SPRED3: variants seen among roughly 807,000 people sequenced by gnomAD.
SPRED3 encodes sprouty related EVH1 domain containing 3.
SPRED3 carries 23 observed loss-of-function variants against 37.6 expected under a neutral mutation model. The ratio of observed to expected loss-of-function variants is 0.61; its 90% confidence interval spans 0.44 to 0.87. The LOEUF (loss-of-function observed/expected upper bound fraction) is 0.87. Ranked by LOEUF, SPRED3 falls within the 40% of genes least tolerant of loss-of-function variation. The probability of loss-of-function intolerance (pLI) is 0.00; values close to 1 mark genes in which losing one functional copy is unlikely to be tolerated. For missense variants in SPRED3, 584 were observed against 618.6 expected (o/e 0.94, Z 0.59); for synonymous variants, 302 against 279.6 (o/e 1.08, Z -0.80).
At chr19:38,390,553 G>A in intron 2 of SPRED3, 74 bp downstream of exon 2, 1 of 1,207,042 alleles carries the variant, frequency 8.3e-7, no homozygotes, top group Non-Finnish European at 1.1e-6. Flanking sequence ...ATGTGGAGCA[G>A]AGGTCAGGTT....
chr19:38,393,270 GC>G (rs1392153744), intron 4 of SPRED3, among the ~76,000 whole-genome samples: 1 of 151,300 alleles, frequency 6.6e-6, no homozygotes, highest in African/African-American at 2.4e-5. Flanking sequence ...ATCTGCCAAT[GC>G]CCCTTGTCTA....
In SPRED3 at chr19:38,395,738, C is replaced by G; in HGVS notation, c.826C>G (p.Pro276Ala). Residue 276 changes from proline to alanine, a missense_variant, in exon 6 of 6, where the codon CCC (proline) becomes GCC (alanine). Pro to Ala is a conservative substitution (Grantham distance 27, BLOSUM62 -1). Coordinates refer to ENST00000691638, the MANE Select transcript of SPRED3 (RefSeq NM_001394336.1). The surrounding 1 kb of genome is among the most constrained non-coding windows in gnomAD (Gnocchi z 5.2). ...CCCAGCGCCCCCCGCTCGCCCACCC[C>G]CCGGCCCGGGCCCATCCTCTGCGCC... Reference protein sequence around the residue: ...APPAPPARPPPGPGPSSAPAK... With the variant: ...APPAPPARPPAGPGPSSAPAK... The G allele has an allele frequency of 6.9e-7, 1 of 1,459,850 alleles. No homozygotes were observed. Among genetic ancestry groups the G allele is most frequent in the Non-Finnish European group, 9.0e-7 (1 of 1,116,548 alleles). The allele number at this position is 1,459,850 out of a possible 1,614,324, so 90.4% of individuals were successfully genotyped here. A position where few individuals can be genotyped will look rare whatever the true frequency, so the allele number is the denominator to read the frequency against.
chr19:38,393,085 C>T (rs1014239895), intron 4 of SPRED3, among the ~76,000 whole-genome samples: 6 of 152,214 alleles, frequency 3.9e-5, no homozygotes, highest in South Asian at 2.1e-4. Flanking sequence ...CTTATTCTAA[C>T]GTGGCAGGCA....
In SPRED3 at chr19:38,396,158, G is replaced by T; in HGVS notation, c.*13G>T. The stretch of plus-strand genomic sequence containing the variant: ...GGCTGCGCGGTGAGGACGGCCTGGT[G>T]GGTCCCCTAGCCGGCCCGAGGACCC... On this transcript the variant is annotated 3_prime_UTR_variant, in exon 6 of 6. Transcript: ENST00000691638. 1 of 1,260,738 alleles carries T rather than the reference G, an allele frequency of 7.9e-7. No homozygotes were observed. The highest frequency in any genetic ancestry group is 2.9e-5 in the South Asian group (1 of 34,326). 78.1% of individuals were successfully genotyped at this position (1,260,738 alleles called of 1,614,324 possible).
chr19:38,393,652 G>A (rs992252291), intron 4 of SPRED3, among the ~76,000 whole-genome samples: 7 of 152,108 alleles, frequency 4.6e-5, no homozygotes, highest in East Asian at 1.9e-4. Flanking sequence ...ATTAGTTTAC[G>A]GTCTATCTCC....
chr19:38,393,807 C>T (rs1016536584), intron 4 of SPRED3, among the ~76,000 whole-genome samples: 3 of 152,132 alleles, frequency 2.0e-5, no homozygotes, highest in Admixed American at 6.6e-5. Flanking sequence ...CACATAATAT[C>T]GGGTGCAATT....
chr19:38,391,814 G>A (rs1970835925), intron 2 of SPRED3, 132 bp from the exon 3 acceptor site: 1 of 1,045,268 alleles, frequency 9.6e-7, no homozygotes, highest in Non-Finnish European at 1.4e-6. Context: ...TCAGAGTTCA[G>A]GGTTACACTT....
chr19:38,397,435 T>C lies in SPRED3; in HGVS notation c.*1290T>C, dbSNP rs900137652. On this transcript the variant is annotated 3_prime_UTR_variant, in exon 6 of 6. Coordinates refer to ENST00000691638, the MANE Select transcript of SPRED3 (RefSeq NM_001394336.1). ...ATGCAAGGCTCAAGACCCTACAACA[T>C]TGGGATTGTTCCTGATCCAAGACCT... 6.6e-6 allele frequency: 1 copy of C among 152,182 alleles called. No homozygotes were observed. Among genetic ancestry groups the C allele is most frequent in the South Asian group, 2.1e-4 (1 of 4,834 alleles). 9.4% of individuals were successfully genotyped at this position (152,182 alleles called of 1,614,324 possible).
Position 38,399,356 on chromosome 19 carries a change from C to T in SPRED3, c.*3211C>T, listed in dbSNP as rs1970936894. 1.3e-5 allele frequency: 2 copies of T among 152,208 alleles called. No homozygotes were observed. The highest frequency in any genetic ancestry group is 4.1e-4 in the South Asian group (2 of 4,832). 9.4% of individuals were successfully genotyped at this position (152,208 alleles called of 1,614,324 possible). ...GACCTCAGACCCTGGAGCCCCCAGG[C>T]CCAATTTCCCAGCCGCTTGCCCCTC... is the stretch of plus-strand genomic sequence containing the variant. On this transcript the variant is annotated 3_prime_UTR_variant, in exon 6 of 6. Transcript: ENST00000691638.
Position 38,394,704 on chromosome 19 carries a change from C to T in SPRED3, c.485C>T (p.Ala162Val), listed in dbSNP as rs1224620740. 1 of 1,595,264 alleles carries T rather than the reference C, an allele frequency of 6.3e-7. No individual in the cohort carries two copies. Among genetic ancestry groups the T allele is most frequent in the Non-Finnish European group, 8.5e-7 (1 of 1,173,594 alleles). The change falls in exon 5 of 6, where the codon GCT becomes GTT. Residue 162 changes from alanine (A) to valine (V), a missense_variant. Transcript: ENST00000691638. ...HSRQETPPSAAAAPIITMESA... is the reference protein window; with the variant it reads ...HSRQETPPSAVAAPIITMESA... ...CGCCAGGAGACTCCTCCCAGCGCCG[C>T]TGCGGCCCCCATCATCACGATGGAG...
rs1351302155 is a variant in SPRED3, at chr19:38,395,573, G to A, written c.661G>A (p.Glu221Lys). ...GGLGWGGRGY[E>K]DYRRSGPPAP... ...CCTGGGGTGGGGCGGCCGCGGCTAC[G>A]AGGATTACCGGCGCTCCGGGCCACC... Residue 221 changes from glutamate (E) to lysine (K), a missense_variant, in exon 6 of 6, where the codon GAG becomes AAG. By Grantham distance (56) the Glu-to-Lys change is moderately conservative. Coordinates refer to ENST00000691638, the MANE Select transcript of SPRED3 (RefSeq NM_001394336.1). The surrounding 1 kb of genome is among the most constrained non-coding windows in gnomAD (Gnocchi z 5.2). 1.3e-6 allele frequency: 2 copies of A among 1,554,834 alleles called. No individual in the cohort carries two copies. Among genetic ancestry groups the A allele is most frequent in the East Asian group, 2.5e-5 (1 of 39,770 alleles).
intron 1 of SPRED3, among the ~76,000 whole-genome samples, chr19:38,389,127 G>T (rs1970788863): frequency 6.6e-6 from 1 of 152,234 alleles, no homozygotes; most frequent in African/African-American, 2.4e-5. Flanking sequence ...AAATGCCAGT[G>T]CCCCATTCCA....
intron 2 of SPRED3, among the ~76,000 whole-genome samples, chr19:38,391,655 T>C (rs1970834424): frequency 1.3e-5 from 2 of 152,032 alleles, no homozygotes; most frequent in African/African-American, 4.8e-5. Flanking sequence ...CCCAGCACTT[T>C]GGGAGGCTGA....
intron 4 of SPRED3, 92 bp downstream of exon 4, chr19:38,392,380 C>A: frequency 1.5e-6 from 2 of 1,337,546 alleles, no homozygotes; most frequent in Non-Finnish European, 9.9e-7. Flanking sequence ...GTAGCAGGCA[C>A]CATGCCACAC....
chr19:38,390,731 G>A (rs1042292797), intron 2 of SPRED3, among the ~76,000 whole-genome samples: 9 of 134,968 alleles, frequency 6.7e-5, no homozygotes, highest in South Asian at 2.4e-4. Flanking sequence ...CCTCCTCCCC[G>A]CTCCAACCCC....
intron 1 of SPRED3, chr19:38,390,081 T>C: frequency 2.6e-6 from 1 of 391,106 alleles, no homozygotes; most frequent in Non-Finnish European, 4.5e-6. Context: ...GAGAAGAAGA[T>C]AGAGGTGAGA....
Position 38,396,007 on chromosome 19 carries a change from G to C in SPRED3, c.1095G>C (p.Ala365=). ...AGCCGGGCCACCCGCGCCCCGCCGC[G>C]CGCTGGGCCGCGCTGGCCGCGCTCT... is the stretch of plus-strand genomic sequence containing the variant. ...ACEPGHPRPA[A]RWAALAALSL... The change falls in exon 6 of 6, where the codon GCG becomes GCC. Residue 365 remains alanine (A), a synonymous_variant. Transcript: ENST00000691638. 1 of 1,375,324 alleles carries C rather than the reference G, an allele frequency of 7.3e-7. No individual in the cohort carries two copies. The highest frequency in any genetic ancestry group is 9.3e-7 in the Non-Finnish European group (1 of 1,074,444). 85.2% of individuals were successfully genotyped at this position (1,375,324 alleles called of 1,614,324 possible).
Position 38,394,656 on chromosome 19 carries a change from G to A in SPRED3, c.437G>A (p.Ser146Asn). Residue 146 changes from serine to asparagine, a missense_variant, in exon 5 of 6, where the codon AGC (serine) becomes AAC (asparagine). Around this residue, in one of 7 missense-constraint regions of SPRED3, gnomAD observed 310 missense variants for 281.1 expected, o/e 1.10. Transcript: ENST00000691638. ...TPCPLTSHVDSDSSSSHSRQE... is the reference protein window; with the variant it reads ...TPCPLTSHVDNDSSSSHSRQE... ...AATCTCCTCCAGTCCCACGTGGACA[G>A]CGACTCCTCCTCCAGTCACAGCCGC... 6.3e-7 allele frequency: 1 copy of A among 1,597,536 alleles called. No homozygotes were observed. The highest frequency in any genetic ancestry group is 1.3e-5 in the African/African-American group (1 of 74,922).
At position 38,395,620 on chromosome 19, in the gene SPRED3, C is replaced by T; in HGVS notation, c.708C>T (p.Thr236=). The T allele has an allele frequency of 6.5e-7, 1 of 1,547,064 alleles. No individual in the cohort carries two copies. Among genetic ancestry groups the T allele is most frequent in the Middle Eastern group, 1.9e-4 (1 of 5,394 alleles). Residue 236 remains threonine, a synonymous_variant, in exon 6 of 6, where the codon ACC becomes ACT. Transcript: ENST00000691638. The surrounding 1 kb of genome is among the most constrained non-coding windows in gnomAD (Gnocchi z 5.2). ...CACCCGCGCCCCTCGCCCTGTCCAC[C>T]TGCGTCGTGCGCTTCGCCAAGACCG... is the stretch of plus-strand genomic sequence containing the variant. ...SGPPAPLALS[T]CVVRFAKTGA... is the part of the protein sequence containing the mutation.
Sources: gnomAD v4.1 joint callset for allele counts (sites outside exome capture counted in the v4.1 genomes callset) on GRCh38, gnomAD v4.1.1 for gene constraint, gnomAD v4.1.1 regional missense constraint, Gnocchi (gnomAD v3.1) non-coding constraint, MANE v1.5 for transcripts, NCBI Gene and HGNC (gene_info 2026-07-23, HGNC 2026-07-21) for gene names.